AUTS2: variants seen among roughly 807,000 people sequenced by gnomAD.
The protein encoded by AUTS2 is autism susceptibility gene 2 protein.
Under a neutral mutation model 112.4 loss-of-function variants are expected in AUTS2, and 17 were observed. The observed-to-expected ratio is 0.15, with a 90% CI of 0.10 to 0.23. The LOEUF (loss-of-function observed/expected upper bound fraction) is 0.23, where lower values mean the gene tolerates loss of function less well. Among genes scored for constraint, AUTS2 ranks in the 10% least tolerant of loss-of-function variants. AUTS2 has a pLI of 1.00. For missense variants in AUTS2, 1,510 were observed against 1,701.6 expected, an observed-to-expected ratio of 0.89 and a Z score of 1.98; for synonymous variants, 751 against 702.7, an observed-to-expected ratio of 1.07 and a Z score of -1.09.
chr7:69,657,639 G>T (rs1795605495), intron 1 of AUTS2, among the ~76,000 whole-genome samples: 1 of 151,968 alleles, frequency 6.6e-6, no homozygotes, highest in South Asian at 2.1e-4. Flanking sequence ...GGGTGGTGAA[G>T]GATTTTTTTT....
At chr7:70,514,400 T>C (rs1799330135) in intron 5 of AUTS2, among the ~76,000 whole-genome samples, 1 of 152,238 alleles carries the variant, frequency 6.6e-6, no homozygotes, top group Non-Finnish European at 1.5e-5. Context: ...AGCATATGCT[T>C]GGCTTCTGGT....
intron 4 of AUTS2, among the ~76,000 whole-genome samples, chr7:70,158,891 TATAA>T (rs1340651769): frequency 6.6e-6 from 1 of 152,060 alleles, no homozygotes; most frequent in Non-Finnish European, 1.5e-5. Flanking sequence ...GCAATAAATA[TATAA>T]ATAATCATCT....
At chr7:70,316,868 C>T (rs1790020806) in intron 4 of AUTS2, 1 of 152,218 alleles carries the variant, frequency 6.6e-6, no homozygotes, top group East Asian at 1.9e-4. Context: ...CACACTTGCT[C>T]GTTTCCCTGG....
intron 4 of AUTS2, among the ~76,000 whole-genome samples, chr7:70,339,893 A>C (rs1373559564): frequency 6.6e-6 from 1 of 152,142 alleles, no homozygotes; most frequent in Non-Finnish European, 1.5e-5. Flanking sequence ...TTCTGAAAAA[A>C]GTTCAGGCAA....
chr7:69,760,402 A>G (rs941013478), intron 1 of AUTS2, among the ~76,000 whole-genome samples: 12 of 152,004 alleles, frequency 7.9e-5, no homozygotes, highest in Non-Finnish European at 1.8e-4. Context: ...CCATAATTCC[A>G]GACCACAGAG....
chr7:70,106,772 A>G (rs1000045634), intron 2 of AUTS2, among the ~76,000 whole-genome samples: 3 of 152,158 alleles, frequency 2.0e-5, no homozygotes, highest in African/African-American at 7.2e-5. Context: ...GATTTCTTTT[A>G]TAAAGGTTGT....
At chr7:70,773,992 G>A (rs1428313949) in intron 11 of AUTS2, 36 bp from the exon 12 acceptor site, 1 of 1,603,856 alleles carries the variant, frequency 6.2e-7, no homozygotes, top group Admixed American at 1.7e-5. Context: ...CCTGTTTTGT[G>A]CTTCCTAAGT....
chr7:69,600,055 T>G (rs1792296305), intron 1 of AUTS2, 93 bp downstream of exon 1: 1 of 861,812 alleles, frequency 1.2e-6, no homozygotes, highest in South Asian at 1.9e-5. Flanking sequence ...CGCTCCGGGC[T>G]GTCTGTCTGT....
intron 5 of AUTS2, among the ~76,000 whole-genome samples, chr7:70,641,911 A>G (rs566644115): frequency 6.6e-6 from 1 of 152,316 alleles, no homozygotes; most frequent in African/African-American, 2.4e-5. Context: ...AATACCGAAT[A>G]TTCTATAGTG....
chr7:69,741,888 C>T (rs1787280681), intron 1 of AUTS2, among the ~76,000 whole-genome samples: 1 of 151,838 alleles, frequency 6.6e-6, no homozygotes, highest in Admixed American at 6.6e-5. Flanking sequence ...ACTGCAGCCT[C>T]AACTTCACAG....
At chr7:70,063,476 T>G (rs1373830750) in intron 2 of AUTS2, among the ~76,000 whole-genome samples, 1 of 152,178 alleles carries the variant, frequency 6.6e-6, no homozygotes. Context: ...GCTTGTGTGA[T>G]CATGGGCGAG....
chr7:69,635,747 A>T (rs1283800204), intron 1 of AUTS2, among the ~76,000 whole-genome samples: 3 of 152,252 alleles, frequency 2.0e-5, no homozygotes, highest in African/African-American at 7.2e-5. Context: ...GAAATCTGTC[A>T]TGAATCAGCA....
chr7:69,736,068 G>A (rs143464309), intron 1 of AUTS2, among the ~76,000 whole-genome samples: 1 of 152,304 alleles, frequency 6.6e-6, no homozygotes, highest in African/African-American at 2.4e-5. Flanking sequence ...TGGGCACTCA[G>A]TGAATATTTG....
intron 2 of AUTS2, among the ~76,000 whole-genome samples, chr7:69,982,322 G>A (rs910872981): frequency 2.0e-5 from 3 of 152,170 alleles, no homozygotes. Context: ...GGGGACTGAA[G>A]CAGTGTTTAA....
Position 70,558,977 on chromosome 7 carries a change from T to A in AUTS2, c.690+123196T>A, listed in dbSNP as rs551823843. Among the ~76,000 whole-genome samples the A allele has an allele frequency of 3.3e-5, 5 of 152,332 alleles. No individual in the cohort carries two copies. In the East Asian group the frequency reaches 9.7e-4, roughly 29 times the overall value. On this transcript the variant is annotated intron_variant, in intron 5 of 18. Coordinates refer to ENST00000342771, the MANE Select transcript of AUTS2 (RefSeq NM_015570.4). The stretch of plus-strand genomic sequence containing the variant: ...TTGGCTCTCACCTTGAATCGCACCT[T>A]GAATTGTAATAATCCCCATACGTTG...
rs527871996 is a variant in AUTS2 at position 69,819,118 on chromosome 7, CTTGA to C, written c.310-80165_310-80162del. ...GGACCCAGTAAGGGTATCTTTTGTA[CTTGA>C]TTAAGTGGCTTGTGATGGAAATGAC... On this transcript the variant is annotated intron_variant, in intron 1 of 18. Coordinates refer to ENST00000342771, the MANE Select transcript of AUTS2 (RefSeq NM_015570.4). 3.4e-4 allele frequency among the ~76,000 whole-genome samples: 52 copies of C among 152,246 alleles called. No homozygotes were observed. In the East Asian group the frequency reaches 5.8e-3, roughly 17 times the overall value.
intron 5 of AUTS2, among the ~76,000 whole-genome samples, chr7:70,558,999 G>A (rs555795639): frequency 7.2e-5 from 11 of 152,296 alleles, no homozygotes; most frequent in South Asian, 4.1e-4. Flanking sequence ...ATCCCCATAC[G>A]TTGTGGGAGG....
intron 1 of AUTS2, among the ~76,000 whole-genome samples, chr7:69,714,249 A>G (rs10249930): frequency 0.15 from 13,646 of 92,786 alleles, 779 homozygotes; most frequent in East Asian, 0.22. Context: ...GTGTGTGTAT[A>G]TGTGTGTGTG....
chr7:70,566,305 C>A (rs1801705256), intron 5 of AUTS2, among the ~76,000 whole-genome samples: 1 of 152,148 alleles, frequency 6.6e-6, no homozygotes, highest in African/African-American at 2.4e-5. Flanking sequence ...ATTTCAATTT[C>A]TATGAAGATG....
Sources: gnomAD v4.1 joint callset for allele counts (sites outside exome capture counted in the v4.1 genomes callset) on GRCh38, gnomAD v4.1.1 for gene constraint, MANE v1.5 for transcripts, NCBI Gene and HGNC (gene_info 2026-07-23, HGNC 2026-07-21) for gene names.